Variants in FCRL5 observed in about 807,000 individuals in gnomAD.
The protein encoded by FCRL5 is Fc receptor-like protein 5.
Under a neutral mutation model 92.1 loss-of-function variants are expected in FCRL5, and 79 were observed. The observed-to-expected ratio is 0.86, with a 90% CI of 0.72 to 1.03. The LOEUF (loss-of-function observed/expected upper bound fraction) is 1.03. FCRL5 is among the 50% of genes least tolerant of loss of function. The probability of loss-of-function intolerance (pLI) is 0.00; values close to 1 mark genes in which losing one functional copy is unlikely to be tolerated. For missense variants in FCRL5, 1,160 were observed against 1,181.1 expected, an observed-to-expected ratio of 0.98 and a Z score of 0.26; for synonymous variants, 466 against 469.3, an observed-to-expected ratio of 0.99 and a Z score of 0.09.
chr1:157,541,738 A>G (rs1478227945), intron 6 of FCRL5: 1 of 152,286 alleles, frequency 6.6e-6, no homozygotes, highest in Non-Finnish European at 1.5e-5. Flanking sequence ...TGCATTTGCT[A>G]TTAGCCCCTA....
chr1:157,529,931 C>T (rs1650614429), intron 8 of FCRL5, among the ~76,000 whole-genome samples: 1 of 152,098 alleles, frequency 6.6e-6, no homozygotes, highest in Non-Finnish European at 1.5e-5. Flanking sequence ...ACTCATGTAA[C>T]CAAACACCAC....
intron 9 of FCRL5, among the ~76,000 whole-genome samples, chr1:157,526,263 G>T (rs1378124964): frequency 1.3e-5 from 2 of 152,186 alleles, no homozygotes; most frequent in Admixed American, 1.3e-4. Flanking sequence ...ATTGAAAAAT[G>T]GCCATTGGAT....
chr1:157,518,351 A>G (rs1390699166), intron 15 of FCRL5, 78 bp downstream of exon 15: 14 of 1,286,484 alleles, frequency 1.1e-5, no homozygotes, highest in Non-Finnish European at 1.6e-5. Context: ...TCTGGCTCAG[A>G]TCTGCTGAGT....
chr1:157,516,172 T>C (rs1331622458), intron 15 of FCRL5: 1 of 513,520 alleles, frequency 1.9e-6, no homozygotes, highest in African/African-American at 1.9e-5. Flanking sequence ...TTGAGCATAA[T>C]TGGTATTATT....
At chr1:157,538,136 C>T (rs1164672773) in intron 7 of FCRL5, among the ~76,000 whole-genome samples, 2 of 152,194 alleles carry the variant, frequency 1.3e-5, no homozygotes, top group Non-Finnish European at 2.9e-5. Context: ...GTCCCTGTCT[C>T]CACTTTCCTT....
chr1:157,535,934 T>G (rs1301100741), intron 7 of FCRL5, among the ~76,000 whole-genome samples: 1 of 145,790 alleles, frequency 6.9e-6, no homozygotes, highest in African/African-American at 2.6e-5. Flanking sequence ...ATTCACTGGA[T>G]GTGACTCAGT....
chr1:157,527,197 GA>G (rs1213868706), intron 9 of FCRL5, among the ~76,000 whole-genome samples: 1 of 152,206 alleles, frequency 6.6e-6, no homozygotes, highest in African/African-American at 2.4e-5. Context: ...GGAGAGGCTA[GA>G]GAGAAATGTG....
rs1393884007 is a variant in FCRL5 at position 157,518,505 on chromosome 1, A to G, written c.2744-8T>C. On this transcript the variant is annotated splice_region_variant and splice_polypyrimidine_tract_variant and intron_variant, in intron 14 of 16. Coordinates refer to ENST00000361835, the MANE Select transcript of FCRL5 (RefSeq NM_031281.3). ...TTTCTCCTCTAGGATTTGCTTAGAA[A>G]AAAGTTGAAGTTTCAGAGGATGCTG... 1.2e-6 allele frequency: 2 copies of G among 1,613,326 alleles called. No individual in the cohort carries two copies. Among genetic ancestry groups the G allele is most frequent in the Non-Finnish European group, 8.5e-7 (1 of 1,179,274 alleles).
At chr1:157,546,289 A>C (rs534525329) in intron 3 of FCRL5, 3 of 452,038 alleles carry the variant, frequency 6.6e-6, no homozygotes, top group Non-Finnish European at 1.3e-5. Context: ...CTCTGCTAAG[A>C]ATACAAAAAT....
rs1650085458 is a variant in FCRL5 at position 157,519,616 on chromosome 1, T to G, written c.2660+127A>C. On this transcript the variant is annotated intron_variant, in intron 13 of 16. Transcript: ENST00000361835. ...GATATCCCCAGGGACGTACAACAGG[T>G]AGTGGCCACACCCCAGCTCAGCAGC... The G allele has an allele frequency of 6.2e-6, 6 of 970,508 alleles. No homozygotes were observed. The Admixed American group carries it at 1.1e-4, about 18-fold the overall frequency. 60.1% of individuals were successfully genotyped at this position (970,508 alleles called of 1,614,324 possible).
At position 157,527,858 on chromosome 1, in the gene FCRL5, G is replaced by C. The variant is rs1288318076; in HGVS notation, c.1719C>G (p.Pro573=). The part of the protein sequence containing the change: ...VSRPILTLRV[P]RAQAVVGDLL... ...GGTCCCCCACCACAGCCTGGGCCCT[G>C]GGAACCCTGAGGGTGAGGATGGGGC... The change falls in exon 9 of 17, where the codon CCC becomes CCG. Residue 573 remains proline, a synonymous_variant. Coordinates refer to ENST00000361835, the MANE Select transcript of FCRL5 (RefSeq NM_031281.3). The C allele has an allele frequency of 1.2e-6, 2 of 1,606,956 alleles. No homozygotes were observed. The highest frequency in any genetic ancestry group is 1.7e-6 in the Non-Finnish European group (2 of 1,176,370).
rs180871422 is a variant in FCRL5, at chr1:157,527,600, T to G, written c.1960+17A>C. 266 of 1,561,752 alleles carry G rather than the reference T, an allele frequency of 1.7e-4. 1 individual carries two copies. The East Asian group carries it at 4.7e-3, about 28-fold the overall frequency. On this transcript the variant is annotated intron_variant, in intron 9 of 16. Transcript: ENST00000361835. ...GATGGTCTTTTTATTTTTGTGCTGC[T>G]GGTTAGGTCAACTTACCTATAACAC... is the stretch of plus-strand genomic sequence containing the variant.
At position 157,515,643 on chromosome 1, in the gene FCRL5, G is replaced by C; in HGVS notation, c.*32C>G. 6.2e-7 allele frequency: 1 copy of C among 1,614,202 alleles called. No homozygotes were observed. The highest frequency in any genetic ancestry group is 1.3e-5 in the African/African-American group (1 of 75,062). ...CCCAAGGGGAACTTTGGGGTGCAGA[G>C]GCTGAAACAGCAGTTGGAGAGACGT... On this transcript the variant is annotated 3_prime_UTR_variant, in exon 17 of 17. Coordinates refer to ENST00000361835, the MANE Select transcript of FCRL5 (RefSeq NM_031281.3).
intron 10 of FCRL5, 28 bp from the exon 11 acceptor site, chr1:157,521,320 GT>G: frequency 6.4e-7 from 1 of 1,570,114 alleles, no homozygotes; most frequent in Admixed American, 2.0e-5. Context: ...GTCAACAGCA[GT>G]TTCTGCTTCT....
chr1:157,522,988 G>A (rs550253117), intron 10 of FCRL5, among the ~76,000 whole-genome samples: 3 of 152,200 alleles, frequency 2.0e-5, no homozygotes, highest in Non-Finnish European at 4.4e-5. Context: ...GATGAGGTTG[G>A]TGCTGCTGGT....
rs138928054 is a variant in FCRL5, at chr1:157,527,801, G to C, written c.1776C>G (p.Gly592=). 260 of 1,613,600 alleles carry C rather than the reference G, an allele frequency of 1.6e-4. No homozygotes were observed. In the African/African-American group the frequency reaches 3.2e-3, roughly 20 times the overall value. Residue 592 remains glycine, a synonymous_variant, in exon 9 of 17, where the codon GGC becomes GGG. Transcript: ENST00000361835. Reference sequence around the variant, plus strand: ...AAAACCAGTACAGGATTGGGGGAGAGCCTCTCGGGGCCTCACAGTGAAGCT... The same window carrying C: ...AAAACCAGTACAGGATTGGGGGAGACCCTCTCGGGGCCTCACAGTGAAGCT... ...LLELHCEAPR[G]SPPILYWFYH...
intron 5 of FCRL5, 37 bp from the exon 6 acceptor site, chr1:157,543,174 G>A: frequency 6.3e-7 from 1 of 1,589,884 alleles, no homozygotes; most frequent in Non-Finnish European, 8.6e-7. Context: ...AATTGCTTTT[G>A]CCTCTTACTG....
intron 3 of FCRL5, 125 bp from the exon 4 acceptor site, chr1:157,545,207 A>G: frequency 1.8e-6 from 2 of 1,122,520 alleles, no homozygotes; most frequent in Non-Finnish European, 2.5e-6. Flanking sequence ...AATAATTATC[A>G]TTTCTTTTTT....
In FCRL5 at chr1:157,544,864, C is replaced by T. The variant is rs141500780; in HGVS notation, c.526G>A (p.Val176Ile). Residue 176 changes from valine (V) to isoleucine (I), a missense_variant, in exon 4 of 17, where the codon GTT becomes ATT. Val to Ile is a conservative substitution (Grantham distance 29). Transcript: ENST00000361835. ...CTGYKESCCP[V>I]SSNTVKIQVQ... ...TGGATTTTGACTGTATTGGAAGAAA[C>T]AGGGCAACAACTTTCCTTATATCCA... 470 of 1,614,178 alleles carry T rather than the reference C, an allele frequency of 2.9e-4. 1 individual carries two copies. Among genetic ancestry groups the T allele is most frequent in the Non-Finnish European group, 2.6e-4 (305 of 1,180,030 alleles).
Sources: allele counts gnomAD v4.1 joint callset (sites outside exome capture counted in the v4.1 genomes callset), GRCh38; gene constraint gnomAD v4.1.1; transcripts MANE v1.5; gene names NCBI Gene and HGNC (gene_info 2026-07-23, HGNC 2026-07-21).